Variants in ARRB2 observed in about 807,000 individuals in gnomAD.
ARRB2 encodes the protein beta-arrestin-2.
In ARRB2, 21 loss-of-function variants were observed where a neutral mutation model predicts 53.4. That is an observed-to-expected ratio of 0.39 (90% CI 0.28 to 0.57). The LOEUF is 0.57. Among genes scored for constraint, ARRB2 ranks in the 20% least tolerant of loss-of-function variants. The pLI, the probability that ARRB2 is intolerant of heterozygous loss-of-function variation, is 0.55. For missense variants in ARRB2, 369 were observed against 527.5 expected (o/e 0.70, Z 2.94); for synonymous variants, 180 against 212.9 (o/e 0.85, Z 1.34).
At chr17:4,714,980 GA>G in intron 1 of ARRB2, 32 bp from the exon 2 acceptor site, 1 of 1,584,940 alleles carries the variant, frequency 6.3e-7, no homozygotes, top group Non-Finnish European at 8.6e-7. Context: ...GAGTCTGAGG[GA>G]GGCAGTGGGG....
intron 1 of ARRB2, 31 bp downstream of exon 1, chr17:4,710,775 T>C: frequency 3.6e-6 from 1 of 277,018 alleles, no homozygotes; most frequent in Non-Finnish European, 6.4e-6. Context: ...CGGCGGGGCA[T>C]GGGCGGCGGC....
chr17:4,717,768 T>C lies in ARRB2; in HGVS notation c.485+16T>C, dbSNP rs1915224208. On this transcript the variant is annotated intron_variant, in intron 7 of 14. Transcript: ENST00000269260. The surrounding 1 kb of genome is among the most constrained non-coding windows in gnomAD (Gnocchi z 6.0). The stretch of plus-strand genomic sequence containing the variant: ...GCCACAAAAGGTAAGGGAAGTGACC[T>C]CCTCTGTGGTGTAAGAGGAGGCTTT... 1 of 1,614,160 alleles carries C rather than the reference T, an allele frequency of 6.2e-7. No individual in the cohort carries two copies.
intron 2 of ARRB2, 108 bp downstream of exon 2, chr17:4,715,151 C>A: frequency 1.6e-6 from 2 of 1,275,854 alleles, no homozygotes; most frequent in Non-Finnish European, 2.2e-6. Context: ...CAACCCCTAG[C>A]TCCCCACTTC....
intron 10 of ARRB2, 31 bp from the exon 11 acceptor site, chr17:4,719,252 A>T (rs772013314): frequency 6.3e-7 from 1 of 1,599,396 alleles, no homozygotes; most frequent in East Asian, 2.2e-5. Flanking sequence ...CAGCGCCCCT[A>T]AGCATCTTGT....
intron 2 of ARRB2, chr17:4,715,302 C>T (rs1914833905): frequency 1.9e-6 from 1 of 513,248 alleles, no homozygotes; most frequent in African/African-American, 1.9e-5. Flanking sequence ...AAAAGCAAGC[C>T]ATGTGCCTGT....
At chr17:4,715,554 AACACACACACACGGACACAC>A (rs757545704) in intron 2 of ARRB2, 13,081 of 232,412 alleles carry the variant, frequency 0.056, 450 homozygotes, top group Middle Eastern at 0.13. Context: ...TGAGGATGCA[AACACACACACACGGACACAC>A]ACACACACAC....
chr17:4,716,464 G>A lies in ARRB2; in HGVS notation c.213G>A (p.Val71=). 3 of 1,614,198 alleles carry A rather than the reference G, an allele frequency of 1.9e-6. No homozygotes were observed. In the South Asian group the frequency reaches 3.3e-5, roughly 18 times the overall value. The part of the protein sequence containing the change: ...AFRYGREDLD[V]LGLSFRKDLF... ...GCTATGGCCGTGAAGACCTGGATGT[G>A]CTGGGCTTGTCCTTCCGCAAAGACC... The change falls in exon 5 of 15, where the codon GTG becomes GTA. Residue 71 remains valine, a synonymous_variant. Coordinates refer to ENST00000269260, the MANE Select transcript of ARRB2 (RefSeq NM_004313.4).
At chr17:4,711,260 T>C (rs1285006475) in intron 1 of ARRB2, among the ~76,000 whole-genome samples, 3 of 152,064 alleles carry the variant, frequency 2.0e-5, no homozygotes, top group East Asian at 3.9e-4. Context: ...CAGCTTCATC[T>C]TGGGGGAGCC....
In ARRB2 at chr17:4,721,454, T is replaced by C. The variant is rs1476822224; in HGVS notation, c.*415T>C. On this transcript the variant is annotated 3_prime_UTR_variant, in exon 15 of 15. Coordinates refer to ENST00000269260, the MANE Select transcript of ARRB2 (RefSeq NM_004313.4). The surrounding 1 kb of genome is among the most constrained non-coding windows in gnomAD (Gnocchi z 4.2). ...GACCCTTTGGGGACAAGGCCGTTTC[T>C]TTGTTTCTGAGCATAAAGAAGAAAA... The C allele has an allele frequency of 2.5e-6, 1 of 397,194 alleles. No homozygotes were observed. The highest frequency in any genetic ancestry group is 4.4e-6 in the Non-Finnish European group (1 of 225,332). The allele number at this position is 397,194 out of a possible 1,614,324, so 24.6% of individuals were successfully genotyped here.
intron 1 of ARRB2, 54 bp from the exon 2 acceptor site, chr17:4,714,959 G>C: frequency 6.4e-7 from 1 of 1,559,008 alleles, no homozygotes; most frequent in Non-Finnish European, 8.7e-7. Context: ...TCCTGGTGTG[G>C]GGTCCCTGCT....
At chr17:4,715,890 C>T (rs559957849) in intron 2 of ARRB2, 83 bp from the exon 3 acceptor site, 51 of 1,510,690 alleles carry the variant, frequency 3.4e-5, no homozygotes, top group African/African-American at 1.5e-4. Context: ...TGGAGATCCC[C>T]GGGCAGGGCA....
intron 14 of ARRB2, 81 bp downstream of exon 14, chr17:4,720,721 T>C (rs1915619550): frequency 7.6e-7 from 1 of 1,307,796 alleles, no homozygotes; most frequent in Non-Finnish European, 1.0e-6. Flanking sequence ...ACCTCTTCCT[T>C]GCTTTTGGTG....
At position 4,717,715 on chromosome 17, in the gene ARRB2, T is replaced by C; in HGVS notation, c.448T>C (p.Phe150Leu). ...CGGCGTAGACTTTGAGATTCGAGCC[T>C]TCTGTGCTAAATCACTAGAAGAGAA... ...ACGVDFEIRAFCAKSLEEKSH... is the reference protein window; with the variant it reads ...ACGVDFEIRALCAKSLEEKSH... The change falls in exon 7 of 15, where the codon TTC becomes CTC. Residue 150 changes from phenylalanine to leucine, a missense_variant. By Grantham distance (22) the Phe-to-Leu change is conservative. Transcript: ENST00000269260. This position sits in a 1 kb window ranked among gnomAD's most constrained non-coding sequence, Gnocchi z 6.0. 1 of 1,614,150 alleles carries C rather than the reference T, an allele frequency of 6.2e-7. No individual in the cohort carries two copies. The highest frequency in any genetic ancestry group is 8.5e-7 in the Non-Finnish European group (1 of 1,180,026).
In ARRB2 at chr17:4,718,486, C is replaced by T. The variant is rs558012464; in HGVS notation, c.707-126C>T. On this transcript the variant is annotated intron_variant, in intron 9 of 14. Coordinates refer to ENST00000269260, the MANE Select transcript of ARRB2 (RefSeq NM_004313.4). ...GAATTTAGGTTGTTCCATAATGATA[C>T]GGGGAGCCTCGGTGTTTACTGCTTC... The T allele has an allele frequency of 1.5e-4, 184 of 1,201,866 alleles. 1 individual carries two copies. The highest frequency in any genetic ancestry group is 2.0e-4 in the Non-Finnish European group (166 of 826,574). 74.5% of individuals were successfully genotyped at this position (1,201,866 alleles called of 1,614,324 possible).
intron 5 of ARRB2, 28 bp downstream of exon 5, chr17:4,716,636 CA>C (rs1567682910): frequency 6.5e-7 from 1 of 1,548,642 alleles, no homozygotes. Flanking sequence ...CTCTGAGGGC[CA>C]GGGGGCTGGG....
chr17:4,711,542 C>G (rs1203983708), intron 1 of ARRB2, among the ~76,000 whole-genome samples: 1 of 152,160 alleles, frequency 6.6e-6, no homozygotes, highest in Non-Finnish European at 1.5e-5. Flanking sequence ...TAGGCCTCAA[C>G]TCAGAGGGTA....
intron 1 of ARRB2, 79 bp from the exon 2 acceptor site, chr17:4,714,934 C>T (rs994866601): frequency 6.7e-7 from 1 of 1,483,880 alleles, no homozygotes; most frequent in African/African-American, 1.4e-5. Flanking sequence ...CTTCTCAGGC[C>T]TGGGAGGGAG....
intron 2 of ARRB2, 144 bp downstream of exon 2, chr17:4,715,187 T>C: frequency 1.0e-6 from 1 of 963,536 alleles, no homozygotes; most frequent in Non-Finnish European, 1.5e-6. Context: ...GCCGACTTCC[T>C]TCCCTCCTGA....
chr17:4,717,001 AT>A lies in ARRB2; in HGVS notation c.358-212del. On this transcript the variant is annotated intron_variant, in intron 5 of 14. Coordinates refer to ENST00000269260, the MANE Select transcript of ARRB2 (RefSeq NM_004313.4). This position sits in a 1 kb window ranked among gnomAD's most constrained non-coding sequence, Gnocchi z 6.0. ...AGGCACGCACCACCACACACGACTA[AT>A]TTTGTATTTTTAGTAGTGATGGGGT... 2 of 601,538 alleles carry A rather than the reference AT, an allele frequency of 3.3e-6. No individual in the cohort carries two copies. Among genetic ancestry groups the A allele is most frequent in the Non-Finnish European group, 5.9e-6 (2 of 339,648 alleles). The allele number at this position is 601,538 out of a possible 1,614,324, so 37.3% of individuals were successfully genotyped here. A position where few individuals can be genotyped will look rare whatever the true frequency, so the allele number is the denominator to read the frequency against.
Sources: gnomAD v4.1 joint callset for allele counts (sites outside exome capture counted in the v4.1 genomes callset) on GRCh38, gnomAD v4.1.1 for gene constraint, Gnocchi (gnomAD v3.1) non-coding constraint, MANE v1.5 for transcripts, NCBI Gene and HGNC (gene_info 2026-07-23, HGNC 2026-07-21) for gene names.